Variants in ABHD14B observed in about 807,000 individuals in gnomAD.
The protein encoded by ABHD14B is abhydrolase domain containing 14B.
In ABHD14B, 19 loss-of-function variants were observed where a neutral mutation model predicts 15.4. The observed-to-expected ratio is 1.23, with a 90% CI of 0.86 to 1.81. The LOEUF (loss-of-function observed/expected upper bound fraction) is 1.81, where lower values mean the gene tolerates loss of function less well. Among genes scored for constraint, ABHD14B ranks in the 40% most tolerant of loss-of-function variants. The pLI is 0.00. For missense variants in ABHD14B, 243 were observed against 267.0 expected (o/e 0.91, Z 0.63); for synonymous variants, 92 against 117.3 (o/e 0.78, Z 1.39).
Position 51,969,371 on chromosome 3 carries a change from G to T in ABHD14B, c.*55C>A. ...GAGCCTGGGAGAGAAGAGAGAGCGT[G>T]CAAGAGAGAGCTCAGAGCAGGCAGG... On this transcript the variant is annotated 3_prime_UTR_variant, in exon 4 of 4. Coordinates refer to ENST00000361143, the MANE Select transcript of ABHD14B (RefSeq NM_001146314.2). 1 of 1,545,738 alleles carries T rather than the reference G, an allele frequency of 6.5e-7. No homozygotes were observed. The highest frequency in any genetic ancestry group is 1.2e-5 in the South Asian group (1 of 81,464).
intron 1 of ABHD14B, chr3:51,972,015 C>T (rs898788947): frequency 2.1e-4 from 46 of 223,206 alleles, no homozygotes; most frequent in Non-Finnish European, 3.6e-4. Flanking sequence ...GAGGCCGAGG[C>T]GGGTGGATCA....
At position 51,971,592 on chromosome 3, in the gene ABHD14B, C is replaced by T. The variant is rs373286106; in HGVS notation, c.79G>A (p.Gly27Ser). 7.4e-5 allele frequency: 119 copies of T among 1,613,416 alleles called. No homozygotes were observed. The highest frequency in any genetic ancestry group is 2.0e-4 in the Admixed American group (12 of 59,996). Residue 27 changes from glycine to serine, a missense_variant, in exon 2 of 4, where the codon GGC (glycine) becomes AGC (serine). Physicochemically the swap from Gly to Ser is moderately conservative, Grantham distance 56 (BLOSUM62 0). Coordinates refer to ENST00000361143, the MANE Select transcript of ABHD14B (RefSeq NM_001146314.2). ...QALFFREALP[G>S]SGQARFSVLL... ...ACAGAGAAGCGAGCCTGCCCACTGC[C>T]GGGCAGGGCCTCTCGGAAGAAGAGG... is the stretch of plus-strand genomic sequence containing the variant.
At chr3:51,973,518 TC>T (rs1162789858) in intron 1 of ABHD14B, among the ~76,000 whole-genome samples, 17 of 149,442 alleles carry the variant, frequency 1.1e-4, no homozygotes, top group South Asian at 4.2e-4. Context: ...TTTTTTTTTT[TC>T]TTTTTTTTTT....
chr3:51,974,130 A>G, upstream of ABHD14B: 1 of 1,060,556 alleles, frequency 9.4e-7, no homozygotes, highest in Admixed American at 2.8e-5. Context: ...CAGCGTCCAT[A>G]GACTCCGCTA....
At chr3:51,974,423 C>G (rs546120916), upstream of ABHD14B, 1 of 245,666 alleles carries the variant, frequency 4.1e-6, no homozygotes, top group Non-Finnish European at 8.2e-6. Flanking sequence ...AGCCAAGTGG[C>G]CTTGATCGTT....
In ABHD14B at chr3:51,970,086, G is replaced by A. The variant is rs1700626974; in HGVS notation, c.310C>T (p.Pro104Ser). 3 of 1,604,302 alleles carry A rather than the reference G, an allele frequency of 1.9e-6. No individual in the cohort carries two copies. Among genetic ancestry groups the A allele is most frequent in the Non-Finnish European group, 2.6e-6 (3 of 1,173,936 alleles). ...AAVVDALELG[P>S]PVVISPSLSG... ...AGTGATGGACTGATCACAACCGGGG[G>A]GCCCAGCTCCAAGGCATCCACCACA... The change falls in exon 3 of 4, where the codon CCC becomes TCC. Residue 104 changes from proline (P) to serine (S), a missense_variant. Coordinates refer to ENST00000361143, the MANE Select transcript of ABHD14B (RefSeq NM_001146314.2).
chr3:51,973,918 G>GGATTTT (rs1222767981), intron 1 of ABHD14B, 47 bp downstream of exon 1: 2 of 1,289,708 alleles, frequency 1.6e-6, no homozygotes, highest in African/African-American at 3.0e-5. Flanking sequence ...AGGTGGGGTT[G>GGATTTT]GATTTTGACT....
At chr3:51,969,878 A>C in intron 3 of ABHD14B, 65 bp downstream of exon 3, 13 of 1,613,486 alleles carry the variant, frequency 8.1e-6, no homozygotes, top group Non-Finnish European at 1.1e-5. Flanking sequence ...CCAGATGAGG[A>C]AAGCCCAGGG....
At position 51,974,044 on chromosome 3, in the gene ABHD14B, G is replaced by A. The variant is rs1335925194; in HGVS notation, c.-108C>T. The A allele has an allele frequency of 7.8e-7, 1 of 1,287,708 alleles. No homozygotes were observed. Among genetic ancestry groups the A allele is most frequent in the Non-Finnish European group, 1.0e-6 (1 of 988,670 alleles). 79.8% of individuals were successfully genotyped at this position (1,287,708 alleles called of 1,614,324 possible). A position where few individuals can be genotyped will look rare whatever the true frequency, so the allele number is the denominator to read the frequency against. On this transcript the variant is annotated 5_prime_UTR_variant, in exon 1 of 4. Transcript: ENST00000361143. ...CCTGGGGCCGGAGGAGGAACGCTGG[G>A]AAGAGGCCGGGCCCCATCCAGCGGG...
In ABHD14B at chr3:51,971,537, G is replaced by C; in HGVS notation, c.134C>G (p.Ser45Cys). 1 of 1,613,632 alleles carries C rather than the reference G, an allele frequency of 6.2e-7. No homozygotes were observed. The highest frequency in any genetic ancestry group is 8.5e-7 in the Non-Finnish European group (1 of 1,179,846). ...VLLLHGIRFS[S>C]ETWQNLGTLH... Reference sequence around the variant, plus strand: ...TGTACCCAGGTTCTGCCAGGTCTCGGAGGAGAAGCGAATACCATGCAGCAG... The same window carrying C: ...TGTACCCAGGTTCTGCCAGGTCTCGCAGGAGAAGCGAATACCATGCAGCAG... The change falls in exon 2 of 4, where the codon TCC becomes TGC. Residue 45 changes from serine (S) to cysteine (C), a missense_variant. By Grantham distance (112) the Ser-to-Cys change is moderately radical (BLOSUM62 -1). Transcript: ENST00000361143.
At chr3:51,974,060 A>G (rs1438066719), upstream of ABHD14B, 3 of 1,286,484 alleles carry the variant, frequency 2.3e-6, no homozygotes, top group African/African-American at 1.5e-5. Flanking sequence ...GCCGGGCCCC[A>G]TCCAGCGGGG....
In ABHD14B at chr3:51,974,021, T is replaced by G. The variant is rs1421450680; in HGVS notation, c.-85A>C. On this transcript the variant is annotated 5_prime_UTR_variant, in exon 1 of 4. Transcript: ENST00000361143. ...AAGCAGGCGCGTGCTGGCGGTGACCTGGGGCCGGAGGAGGAACGCTGGGAA... is the reference window on the plus strand; with the variant it reads ...AAGCAGGCGCGTGCTGGCGGTGACCGGGGGCCGGAGGAGGAACGCTGGGAA... 1.5e-5 allele frequency: 19 copies of G among 1,288,510 alleles called. No homozygotes were observed. The highest frequency in any genetic ancestry group is 1.8e-5 in the Non-Finnish European group (18 of 988,788). The allele number at this position is 1,288,510 out of a possible 1,614,324, so 79.8% of individuals were successfully genotyped here.
In ABHD14B at chr3:51,971,782, CAGG is replaced by C. The variant is rs984186350; in HGVS notation, c.-28-87_-28-85del. On this transcript the variant is annotated intron_variant, in intron 1 of 3. Coordinates refer to ENST00000361143, the MANE Select transcript of ABHD14B (RefSeq NM_001146314.2). ...CCCAGAGGAGCAGCAAGGAAGCCTC[CAGG>C]AGGTTTCCAGAACTTTAAGAACATG... The C allele has an allele frequency of 5.4e-6, 8 of 1,475,398 alleles. No individual in the cohort carries two copies. The African/African-American group carries it at 9.9e-5, about 18-fold the overall frequency. The allele number at this position is 1,475,398 out of a possible 1,614,324, so 91.4% of individuals were successfully genotyped here. A position where few individuals can be genotyped will look rare whatever the true frequency, so the allele number is the denominator to read the frequency against.
At chr3:51,970,932 G>T in intron 2 of ABHD14B, 1 of 424,656 alleles carries the variant, frequency 2.4e-6, no homozygotes, top group South Asian at 1.7e-5. Context: ...ACCCAGCTCA[G>T]GGCTTTGCAT....
chr3:51,969,775 A>G, intron 3 of ABHD14B, 168 bp downstream of exon 3: 1 of 1,432,066 alleles, frequency 7.0e-7, no homozygotes, highest in Middle Eastern at 1.8e-4. Flanking sequence ...ACAGTTTAGC[A>G]CAGGGCTTGG....
intron 1 of ABHD14B, chr3:51,973,557 G>T: frequency 5.1e-6 from 1 of 197,258 alleles, no homozygotes; most frequent in Non-Finnish European, 1.0e-5. Flanking sequence ...TCGCTCTGTC[G>T]TCCAGGCTGG....
chr3:51,971,753 C>T, intron 1 of ABHD14B, 55 bp from the exon 2 acceptor site: 3 of 1,539,112 alleles, frequency 1.9e-6, no homozygotes, highest in African/African-American at 1.4e-5. Flanking sequence ...CCCAGGGTGG[C>T]AGTCCCAGAG....
Position 51,970,182 on chromosome 3 carries a change from G to C in ABHD14B, c.214C>G (p.Leu72Val). 6.6e-7 allele frequency: 1 copy of C among 1,525,170 alleles called. No homozygotes were observed. Among genetic ancestry groups the C allele is most frequent in the Non-Finnish European group, 8.8e-7 (1 of 1,139,878 alleles). The allele number at this position is 1,525,170 out of a possible 1,614,324, so 94.5% of individuals were successfully genotyped here. A position where few individuals can be genotyped will look rare whatever the true frequency, so the allele number is the denominator to read the frequency against. ...YRAVAIDLPGLGHSKEAAAPA... is the reference protein window; with the variant it reads ...YRAVAIDLPGVGHSKEAAAPA... ...GCTGCTGCTTCCTTGGAGTGCCCCA[G>C]ACCTGCAGGGATTCAGGTGTGAAAG... Residue 72 changes from leucine to valine, a missense_variant and splice_region_variant, in exon 3 of 4, where the codon CTG (leucine) becomes GTG (valine). By Grantham distance (32) the Leu-to-Val change is conservative (BLOSUM62 1). Coordinates refer to ENST00000361143, the MANE Select transcript of ABHD14B (RefSeq NM_001146314.2).
intron 1 of ABHD14B, among the ~76,000 whole-genome samples, chr3:51,972,405 C>A (rs575420406): frequency 6.6e-6 from 1 of 150,460 alleles, no homozygotes; most frequent in Non-Finnish European, 1.5e-5. Flanking sequence ...GAAACCCCAT[C>A]TCTACTCAAA....
Sources: gnomAD v4.1 joint callset for allele counts (sites outside exome capture counted in the v4.1 genomes callset) on GRCh38, gnomAD v4.1.1 for gene constraint, MANE v1.5 for transcripts, NCBI Gene and HGNC (gene_info 2026-07-23, HGNC 2026-07-21) for gene names.